The following FBXW9 variants were observed in gnomAD, a reference collection of about 807,000 sequenced individuals.
FBXW9 encodes F-box/WD repeat-containing protein 9.
FBXW9 carries 38 observed loss-of-function variants against 55.8 expected under a neutral mutation model. The ratio of observed to expected loss-of-function variants is 0.68; its 90% confidence interval spans 0.53 to 0.89. The LOEUF (loss-of-function observed/expected upper bound fraction) is 0.89, where lower values mean the gene tolerates loss of function less well. Among genes scored for constraint, FBXW9 ranks in the 40% least tolerant of loss-of-function variants. FBXW9 has a pLI of 0.00. For missense variants in FBXW9, 590 were observed against 619.4 expected (o/e 0.95, Z 0.50); for synonymous variants, 289 against 278.2 (o/e 1.04, Z -0.38).
In FBXW9 at chr19:12,694,742, A is replaced by G. The variant is rs2025053695; in HGVS notation, c.550-20T>C. On this transcript the variant is annotated intron_variant, in intron 2 of 9. Transcript: ENST00000393261. ...CCCACCCTGGAAAGGGAGCAAGGTG[A>G]TGTTGTCAGGGCCACCCTGGCCCAC... 6.2e-7 allele frequency: 1 copy of G among 1,614,142 alleles called. No homozygotes were observed. Among genetic ancestry groups the G allele is most frequent in the East Asian group, 2.2e-5 (1 of 44,882 alleles).
Position 12,696,226 on chromosome 19 carries a change from G to C in FBXW9, c.356C>G (p.Thr119Ser), listed in dbSNP as rs1282057423. The C allele has an allele frequency of 1.9e-6, 3 of 1,560,058 alleles. No homozygotes were observed. Among genetic ancestry groups the C allele is most frequent in the Non-Finnish European group, 2.6e-6 (3 of 1,153,276 alleles). ...ALRDLVSDHV[T>S]WRLRALRRVR... ...GCGGCGTAGCGCGCGTAGCCTCCAG[G>C]TGACATGGTCAGACACGAGGTCGCG... is the stretch of plus-strand genomic sequence containing the variant. Residue 119 changes from threonine (T) to serine (S), a missense_variant, in exon 1 of 10, where the codon ACC becomes AGC. Coordinates refer to ENST00000393261, the MANE Select transcript of FBXW9 (RefSeq NM_032301.3).
At chr19:12,695,373 G>A (rs2025059796) in intron 1 of FBXW9, among the ~76,000 whole-genome samples, 1 of 152,206 alleles carries the variant, frequency 6.6e-6, no homozygotes, top group Admixed American at 6.5e-5. Flanking sequence ...GCCTTGTCAA[G>A]ATGCAGAATG....
Position 12,689,909 on chromosome 19 carries a change from C to A in FBXW9, c.1033-35G>T. The A allele has an allele frequency of 6.2e-7, 1 of 1,612,736 alleles. No individual in the cohort carries two copies. Among genetic ancestry groups the A allele is most frequent in the Non-Finnish European group, 8.5e-7 (1 of 1,178,914 alleles). ...GGACAAGGGACGGGACAGCTCAGGC[C>A]GGGCTGGGCCTGCAACAGTCCCCAT... is the stretch of plus-strand genomic sequence containing the variant. On this transcript the variant is annotated intron_variant, in intron 6 of 9. Coordinates refer to ENST00000393261, the MANE Select transcript of FBXW9 (RefSeq NM_032301.3). This position sits in a 1 kb window ranked among gnomAD's most constrained non-coding sequence, Gnocchi z 5.9.
At chr19:12,692,323 G>A (rs1275806269) in intron 3 of FBXW9, among the ~76,000 whole-genome samples, 1 of 148,828 alleles carries the variant, frequency 6.7e-6, no homozygotes, top group Non-Finnish European at 1.5e-5. Flanking sequence ...CGCCTCCCGA[G>A]TTCAAGCAAT....
intron 3 of FBXW9, among the ~76,000 whole-genome samples, chr19:12,693,608 A>AC (rs2025041083): frequency 3.1e-5 from 4 of 127,756 alleles, no homozygotes; most frequent in Admixed American, 8.1e-5. Flanking sequence ...ACACACACAC[A>AC]AAAGAAATTA....
chr19:12,691,627 A>G (rs1452285395), intron 3 of FBXW9, among the ~76,000 whole-genome samples, 173 bp from the exon 4 acceptor site: 1 of 152,158 alleles, frequency 6.6e-6, no homozygotes, highest in African/African-American at 2.4e-5. Flanking sequence ...TACAACACCC[A>G]ACTCTGGCTC....
Position 12,694,862 on chromosome 19 carries a change from C to G in FBXW9, c.486G>C (p.Trp162Cys), listed in dbSNP as rs760764416. 6.2e-7 allele frequency: 1 copy of G among 1,613,994 alleles called. No homozygotes were observed. The highest frequency in any genetic ancestry group is 8.5e-7 in the Non-Finnish European group (1 of 1,180,048). ...HLSRWAEDGR[W>C]VEYFCLAEGH... ...CTTCGGCCAGGCAGAAGTATTCGAC[C>G]CAGCGCCCATCCTCTGCCCAGCGGG... The change falls in exon 2 of 10, where the codon TGG becomes TGC. Residue 162 changes from tryptophan (W) to cysteine (C), a missense_variant. Trp to Cys is a radical substitution (Grantham distance 215). Coordinates refer to ENST00000393261, the MANE Select transcript of FBXW9 (RefSeq NM_032301.3).
intron 3 of FBXW9, among the ~76,000 whole-genome samples, chr19:12,692,382 C>T (rs571621931): frequency 7.9e-5 from 12 of 151,410 alleles, no homozygotes; most frequent in South Asian, 4.2e-4. Context: ...CATGTGCCAC[C>T]GCGCCAGCTA....
At chr19:12,693,519 AAAAAAAAAAAATAT>A (rs2025031629) in intron 3 of FBXW9, among the ~76,000 whole-genome samples, 3 of 32,992 alleles carry the variant, frequency 9.1e-5, no homozygotes, top group East Asian at 5.0e-4. Context: ...AAAAAAAAAA[AAAAAAAAAAAATAT>A]ATATATATAT....
Position 12,689,693 on chromosome 19 carries a change from C to T in FBXW9, c.1147-63G>A, listed in dbSNP as rs2024976540. 1 of 1,606,448 alleles carries T rather than the reference C, an allele frequency of 6.2e-7. No individual in the cohort carries two copies. The highest frequency in any genetic ancestry group is 8.5e-7 in the Non-Finnish European group (1 of 1,173,458). The stretch of plus-strand genomic sequence containing the variant: ...CTCCCAAGGCCCGCCCTCCCCCACA[C>T]CACCAGGGGCTCGGGTAGGAAGGAA... On this transcript the variant is annotated intron_variant, in intron 7 of 9. Transcript: ENST00000393261. The surrounding 1 kb of genome is among the most constrained non-coding windows in gnomAD (Gnocchi z 5.9).
intron 3 of FBXW9, among the ~76,000 whole-genome samples, chr19:12,693,527 AAAATATATATAT>A (rs2025032772): frequency 5.0e-5 from 1 of 19,910 alleles, no homozygotes; most frequent in African/African-American, 1.8e-4. Flanking sequence ...AAAAAAAAAA[AAAATATATATAT>A]ATATATATAT....
At position 12,696,392 on chromosome 19, in the gene FBXW9, C is replaced by A; in HGVS notation, c.190G>T (p.Glu64Ter). 1 of 1,611,752 alleles carries A rather than the reference C, an allele frequency of 6.2e-7. No individual in the cohort carries two copies. Among genetic ancestry groups the A allele is most frequent in the Non-Finnish European group, 8.5e-7 (1 of 1,179,498 alleles). ...STPAASPSAS[E>*]PRAASRVSAV... is the part of the protein sequence containing the mutation. The stretch of plus-strand genomic sequence containing the variant: ...GAAACCCTGGACGCGGCCCGAGGCT[C>A]CGAAGCGCTCGGGGACGCGGCGGGT... The change falls in exon 1 of 10, where the codon GAG (glutamate) becomes TAG (stop). Residue 64 changes from glutamate to a stop codon, truncating the protein, a stop_gained. Transcript: ENST00000393261. LOFTEE classifies it high-confidence loss of function.
rs1334982687 is a variant in FBXW9, at chr19:12,694,922, C to G, written c.426G>C (p.Trp142Cys). 6.2e-7 allele frequency: 1 copy of G among 1,613,452 alleles called. No individual in the cohort carries two copies. The highest frequency in any genetic ancestry group is 1.3e-5 in the African/African-American group (1 of 74,950). The change falls in exon 2 of 10, where the codon TGG (tryptophan) becomes TGC (cysteine). Residue 142 changes from tryptophan (W) to cysteine (C), a missense_variant. Trp to Cys is a radical substitution (Grantham distance 215, BLOSUM62 -2). Transcript: ENST00000393261. ...YPVVEEKNFD[W>C]PAACIALEQH... ...GCTCCAGCGCAATGCAGGCTGCCGGCCAGTCAAAGTTCTTCTCTGTGGGTT... is the reference window on the plus strand; with the variant it reads ...GCTCCAGCGCAATGCAGGCTGCCGGGCAGTCAAAGTTCTTCTCTGTGGGTT...
At position 12,694,910 on chromosome 19, in the gene FBXW9, G is replaced by A. The variant is rs762766485; in HGVS notation, c.438C>T (p.Cys146=). ...GGGACAGGTGCTGCTCCAGCGCAAT[G>A]CAGGCTGCCGGCCAGTCAAAGTTCT... ...EEKNFDWPAA[C]IALEQHLSRW... Residue 146 remains cysteine (C), a synonymous_variant, in exon 2 of 10, where the codon TGC becomes TGT. Coordinates refer to ENST00000393261, the MANE Select transcript of FBXW9 (RefSeq NM_032301.3). 9 of 1,613,868 alleles carry A rather than the reference G, an allele frequency of 5.6e-6. No individual in the cohort carries two copies. Among genetic ancestry groups the A allele is most frequent in the Non-Finnish European group, 7.6e-6 (9 of 1,180,020 alleles).
At chr19:12,691,642 T>C (rs2025010836) in intron 3 of FBXW9, among the ~76,000 whole-genome samples, 188 bp from the exon 4 acceptor site, 1 of 152,192 alleles carries the variant, frequency 6.6e-6, no homozygotes, top group African/African-American at 2.4e-5. Flanking sequence ...TGGCTCCAGG[T>C]GATCACCCCC....
chr19:12,694,514 G>A lies in FBXW9; in HGVS notation c.678+80C>T, dbSNP rs1312792770. On this transcript the variant is annotated intron_variant, in intron 3 of 9. Transcript: ENST00000393261. ...AGAAAAGTCAGATTCAAATCTATGC[G>A]GTCCTGTACCAAAACCTGGGGCCTT... The A allele has an allele frequency of 8.2e-6, 12 of 1,468,490 alleles. No homozygotes were observed. In the East Asian group the frequency reaches 9.3e-5, roughly 11 times the overall value. 91.0% of individuals were successfully genotyped at this position (1,468,490 alleles called of 1,614,324 possible).
rs1295958981 is a variant in FBXW9, at chr19:12,696,162, G to A, written c.409+11C>T. The A allele has an allele frequency of 6.6e-7, 1 of 1,512,520 alleles. No individual in the cohort carries two copies. The highest frequency in any genetic ancestry group is 8.8e-7 in the Non-Finnish European group (1 of 1,138,740). The allele number at this position is 1,512,520 out of a possible 1,614,324, so 93.7% of individuals were successfully genotyped here. A position where few individuals can be genotyped will look rare whatever the true frequency, so the allele number is the denominator to read the frequency against. ...CCCGGCCCCCGGTCCCCGGCCCCCGGCCCCGCGCACCTTCCACCACTGGGT... is the reference window on the plus strand; with the variant it reads ...CCCGGCCCCCGGTCCCCGGCCCCCGACCCCGCGCACCTTCCACCACTGGGT... On this transcript the variant is annotated intron_variant, in intron 1 of 9. Coordinates refer to ENST00000393261, the MANE Select transcript of FBXW9 (RefSeq NM_032301.3).
chr19:12,694,720 AC>A lies in FBXW9; in HGVS notation c.551del (p.Gly184ValfsTer30). ...ASVDSVLLLQ[G>X]GSLCLSGSRD... is the part of the protein sequence containing the mutation. ...GGGAGCCCGACAGACAGAGTGACCCACCCTGGAAAGGGAGCAAGGTGATGTT... is the reference window on the plus strand; with the variant it reads ...GGGAGCCCGACAGACAGAGTGACCCACCTGGAAAGGGAGCAAGGTGATGTT... On this transcript the variant is annotated frameshift_variant and splice_region_variant, in exon 3 of 10. Transcript: ENST00000393261. LOFTEE classifies it high-confidence loss of function. The A allele has an allele frequency of 6.2e-7, 1 of 1,613,966 alleles. No individual in the cohort carries two copies.
At chr19:12,690,443 C>T (rs1282698264) in intron 5 of FBXW9, among the ~76,000 whole-genome samples, 1 of 152,174 alleles carries the variant, frequency 6.6e-6, no homozygotes, top group African/African-American at 2.4e-5. Context: ...CCCGCTCCAG[C>T]TCTGCCTGGA....
Sources: allele counts gnomAD v4.1 joint callset (sites outside exome capture counted in the v4.1 genomes callset), GRCh38; gene constraint gnomAD v4.1.1; non-coding constraint Gnocchi (gnomAD v3.1); transcripts MANE v1.5; gene names NCBI Gene and HGNC (gene_info 2026-07-23, HGNC 2026-07-21).